GALNT7: variants seen among roughly 807,000 people sequenced by gnomAD.
The protein encoded by GALNT7 is N-acetylgalactosaminyltransferase 7.
GALNT7 carries 60 observed loss-of-function variants against 82.1 expected under a neutral mutation model. That is an observed-to-expected ratio of 0.73 (90% CI 0.59 to 0.91). GALNT7 has a LOEUF of 0.91. Among genes scored for constraint, GALNT7 ranks in the 40% least tolerant of loss-of-function variants. The pLI is 0.00. For missense variants in GALNT7, 660 were observed against 804.2 expected (o/e 0.82, Z 2.17); for synonymous variants, 243 against 275.1 (o/e 0.88, Z 1.15).
Position 173,318,458 on chromosome 4 carries a change from C to T in GALNT7, c.1735C>T (p.Leu579Phe), listed in dbSNP as rs1189766393. Residue 579 changes from leucine (L) to phenylalanine (F), a missense_variant, in exon 11 of 12, where the codon CTC becomes TTC. This residue lies in a region of GALNT7 where 527 missense variants were observed against 683.5 expected (regional missense o/e 0.77). Transcript: ENST00000265000. ...QLFRINEANQLMQYDQCLTKG... is the reference protein window; with the variant it reads ...QLFRINEANQFMQYDQCLTKG... ...TTTCAGAATCAATGAAGCAAATCAACTCATGCAGTATGACCAGTGTTTGAC... is the reference window on the plus strand; with the variant it reads ...TTTCAGAATCAATGAAGCAAATCAATTCATGCAGTATGACCAGTGTTTGAC... 1 of 1,603,662 alleles carries T rather than the reference C, an allele frequency of 6.2e-7. No individual in the cohort carries two copies. Among genetic ancestry groups the T allele is most frequent in the Admixed American group, 1.7e-5 (1 of 58,640 alleles).
chr4:173,304,035 TC>T lies in GALNT7; in HGVS notation c.1307del (p.Ser436PhefsTer27). ...TGGCAAATTATTATTTGTTCCTTGT[TC>T]TCGTGTTGGACATATCTACCGTCTT... Reference protein sequence around the residue: ...CGGKLLFVPCSRVGHIYRLEG... With the variant: ...CGGKLLFVPCXRVGHIYRLEG... On this transcript the variant is annotated frameshift_variant, in exon 8 of 12. Transcript: ENST00000265000. LOFTEE classifies it high-confidence loss of function. The T allele has an allele frequency of 6.2e-7, 1 of 1,612,226 alleles. No homozygotes were observed. The highest frequency in any genetic ancestry group is 8.5e-7 in the Non-Finnish European group (1 of 1,178,474).
intron 2 of GALNT7, among the ~76,000 whole-genome samples, chr4:173,290,081 A>T (rs1736480176): frequency 1.3e-5 from 2 of 152,212 alleles, no homozygotes. Flanking sequence ...TAGTGAGCAA[A>T]ATAGCTGAGG....
At chr4:173,198,786 G>C (rs1281078115) in intron 1 of GALNT7, among the ~76,000 whole-genome samples, 1 of 152,106 alleles carries the variant, frequency 6.6e-6, no homozygotes, top group Non-Finnish European at 1.5e-5. Flanking sequence ...GAGGGAGAGA[G>C]AGATGAGTAA....
At chr4:173,229,716 G>T (rs1733965259) in intron 1 of GALNT7, among the ~76,000 whole-genome samples, 1 of 152,134 alleles carries the variant, frequency 6.6e-6, no homozygotes, top group African/African-American at 2.4e-5. Context: ...TATGATGCAG[G>T]CAGAATCATG....
At chr4:173,207,718 C>A (rs773940483) in intron 1 of GALNT7, among the ~76,000 whole-genome samples, 16 of 152,144 alleles carry the variant, frequency 1.1e-4, no homozygotes, top group Non-Finnish European at 1.9e-4. Flanking sequence ...CCCTACTGAT[C>A]CACAGGGTCA....
intron 1 of GALNT7, among the ~76,000 whole-genome samples, chr4:173,188,148 C>G (rs1461877176): frequency 6.6e-6 from 1 of 152,240 alleles, no homozygotes; most frequent in Admixed American, 6.5e-5. Context: ...GTAACTTATA[C>G]TGAACTCTTA....
intron 1 of GALNT7, among the ~76,000 whole-genome samples, chr4:173,216,732 T>A (rs1292315022): frequency 1.9e-4 from 18 of 95,930 alleles, no homozygotes; most frequent in African/African-American, 6.4e-4. Flanking sequence ...TATATATTTT[T>A]TTTTTTTTTT....
At chr4:173,171,047 T>TTTTTTTTTTTTTTTTTTTTTG (rs1731848885) in intron 1 of GALNT7, among the ~76,000 whole-genome samples, 1 of 152,208 alleles carries the variant, frequency 6.6e-6, no homozygotes, top group Non-Finnish European at 1.5e-5. Flanking sequence ...AGGTAGATTT[T>TTTTTTTTTTTTTTTTTTTTTG]AAAGACTTAA....
At chr4:173,175,945 C>T (rs140270127) in intron 1 of GALNT7, among the ~76,000 whole-genome samples, 3,470 of 152,134 alleles carry the variant, frequency 0.023, 71 homozygotes, top group African/African-American at 0.051. Flanking sequence ...TGGTAGCACA[C>T]CCCTGTAATC....
At chr4:173,275,882 A>T (rs183084633) in intron 2 of GALNT7, among the ~76,000 whole-genome samples, 1 of 152,260 alleles carries the variant, frequency 6.6e-6, no homozygotes, top group Admixed American at 6.5e-5. Context: ...GGTGGACCTG[A>T]TAGGGATATG....
intron 2 of GALNT7, among the ~76,000 whole-genome samples, chr4:173,266,770 C>T (rs1346059942): frequency 4.6e-5 from 7 of 151,454 alleles, no homozygotes; most frequent in Non-Finnish European, 8.8e-5. Flanking sequence ...AGCCAGGCAC[C>T]GAAAGACAAG....
intron 2 of GALNT7, among the ~76,000 whole-genome samples, chr4:173,251,190 A>G (rs889427664): frequency 6.6e-6 from 1 of 152,214 alleles, no homozygotes; most frequent in African/African-American, 2.4e-5. Flanking sequence ...TGTGAATGAA[A>G]TCAGCCAGGG....
At chr4:173,299,858 A>T (rs529730178) in intron 6 of GALNT7, among the ~76,000 whole-genome samples, 46 of 152,118 alleles carry the variant, frequency 3.0e-4, no homozygotes, top group Non-Finnish European at 5.3e-4. Flanking sequence ...AAACAAAAAA[A>T]AAAAGACACA....
chr4:173,281,230 G>C (rs1374139772), intron 2 of GALNT7, among the ~76,000 whole-genome samples: 1 of 152,028 alleles, frequency 6.6e-6, no homozygotes, highest in Non-Finnish European at 1.5e-5. Flanking sequence ...TGTCTTCCCG[G>C]GTATACTGGC....
chr4:173,280,618 C>T (rs1395806628), intron 2 of GALNT7, among the ~76,000 whole-genome samples: 4 of 152,146 alleles, frequency 2.6e-5, no homozygotes, highest in Non-Finnish European at 5.9e-5. Context: ...TGAACCAGTA[C>T]TGTCCTTGGT....
chr4:173,211,586 A>C (rs1055075200), intron 1 of GALNT7, among the ~76,000 whole-genome samples: 1 of 152,248 alleles, frequency 6.6e-6, no homozygotes, highest in Non-Finnish European at 1.5e-5. Flanking sequence ...CAGCAACAAA[A>C]GGGAGTTTCA....
intron 8 of GALNT7, among the ~76,000 whole-genome samples, chr4:173,312,462 G>A (rs756164283): frequency 3.3e-5 from 5 of 152,194 alleles, no homozygotes; most frequent in Non-Finnish European, 5.9e-5. Flanking sequence ...TTGTGGGAAC[G>A]AATCCACTTC....
intron 2 of GALNT7, among the ~76,000 whole-genome samples, chr4:173,258,634 T>A (rs1277262369): frequency 6.6e-6 from 1 of 152,214 alleles, no homozygotes; most frequent in East Asian, 1.9e-4. Flanking sequence ...CCTGTGCTTA[T>A]AACCATACTG....
chr4:173,231,825 T>G (rs1024550239), intron 1 of GALNT7, among the ~76,000 whole-genome samples: 1 of 152,124 alleles, frequency 6.6e-6, no homozygotes, highest in Non-Finnish European at 1.5e-5. Context: ...TGGCACAGAA[T>G]TTAGGAGAAA....
Sources: gnomAD v4.1 joint callset for allele counts (sites outside exome capture counted in the v4.1 genomes callset) on GRCh38, gnomAD v4.1.1 for gene constraint, gnomAD v4.1.1 regional missense constraint, MANE v1.5 for transcripts, NCBI Gene and HGNC (gene_info 2026-07-23, HGNC 2026-07-21) for gene names.